Variants in ST18 observed in about 807,000 individuals in gnomAD.
ST18 encodes ST18 C2H2C-type zinc finger transcription factor, also known as suppression of tumorigenicity 18 protein.
A neutral mutation model predicts 110.0 loss-of-function variants in ST18; 50 were observed. That is an observed-to-expected ratio of 0.45 (90% CI 0.36 to 0.58). The LOEUF (loss-of-function observed/expected upper bound fraction) is 0.58, where lower values mean the gene tolerates loss of function less well. Among genes scored for constraint, ST18 ranks in the 20% least tolerant of loss-of-function variants. The pLI, the probability that ST18 is intolerant of heterozygous loss-of-function variation, is 0.00. For synonymous variants in ST18, 461 were observed against 452.4 expected (o/e 1.02, Z -0.24); for missense variants, 1,306 against 1,280.1 (o/e 1.02, Z -0.31).
chr8:52,214,986 C>A (rs896630977), intron 6 of ST18, among the ~76,000 whole-genome samples: 1 of 152,112 alleles, frequency 6.6e-6, no homozygotes, highest in Non-Finnish European at 1.5e-5. Flanking sequence ...CTTGATACAC[C>A]CATCCATTTC....
At chr8:52,352,788 T>C (rs1820986596) in intron 2 of ST18, among the ~76,000 whole-genome samples, 1 of 152,208 alleles carries the variant, frequency 6.6e-6, no homozygotes, top group African/African-American at 2.4e-5. Context: ...CGCAAAACAT[T>C]GCAGAGAACC....
chr8:52,199,078 C>T (rs1472921533), intron 8 of ST18: 1 of 151,248 alleles, frequency 6.6e-6, no homozygotes, highest in Non-Finnish European at 1.5e-5. Flanking sequence ...TTTGCCAGTG[C>T]TTACATCCTA....
chr8:52,202,462 C>G (rs532368510), intron 8 of ST18, among the ~76,000 whole-genome samples: 1 of 151,846 alleles, frequency 6.6e-6, no homozygotes, highest in Non-Finnish European at 1.5e-5. Flanking sequence ...GTCTCCCCAA[C>G]GAAATTGTAA....
intron 2 of ST18, among the ~76,000 whole-genome samples, chr8:52,388,946 C>T (rs1838122414): frequency 7.0e-6 from 1 of 143,598 alleles, no homozygotes; most frequent in South Asian, 2.2e-4. Flanking sequence ...GCACATGTAC[C>T]CTAAAACTTA....
chr8:52,177,840 A>G (rs1188041163), intron 9 of ST18, among the ~76,000 whole-genome samples: 1 of 152,208 alleles, frequency 6.6e-6, no homozygotes, highest in African/African-American at 2.4e-5. Flanking sequence ...TTCATCTGTA[A>G]AACTGTGCCC....
intron 2 of ST18, among the ~76,000 whole-genome samples, chr8:52,250,247 A>G (rs942989878): frequency 6.6e-6 from 1 of 151,746 alleles, no homozygotes; most frequent in Non-Finnish European, 1.5e-5. Flanking sequence ...CACTAATTTA[A>G]TCTGGGAAAA....
At chr8:52,180,046 C>A (rs2068718910) in intron 9 of ST18, 76 bp downstream of exon 9, 1 of 1,439,158 alleles carries the variant, frequency 6.9e-7, no homozygotes, top group South Asian at 1.3e-5. Flanking sequence ...CCATACAAAC[C>A]ACACACTCTA....
chr8:52,246,950 G>T (rs1260340635), intron 2 of ST18, among the ~76,000 whole-genome samples: 1 of 152,136 alleles, frequency 6.6e-6, no homozygotes, highest in Non-Finnish European at 1.5e-5. Context: ...TGAGTCAGTG[G>T]AAGAACCAGG....
intron 2 of ST18, among the ~76,000 whole-genome samples, chr8:52,278,245 C>A (rs980318251): frequency 6.6e-5 from 10 of 152,150 alleles, no homozygotes; most frequent in Admixed American, 5.2e-4. Context: ...TGGGAAAGAG[C>A]TTTCTTCACA....
At chr8:52,272,547 T>C (rs1474620737) in intron 2 of ST18, among the ~76,000 whole-genome samples, 3 of 142,820 alleles carry the variant, frequency 2.1e-5, no homozygotes, top group Non-Finnish European at 4.4e-5. Flanking sequence ...ATGGCGATTA[T>C]AGACAACAAC....
intron 2 of ST18, among the ~76,000 whole-genome samples, chr8:52,302,233 T>C (rs2095736552): frequency 6.6e-6 from 1 of 152,162 alleles, no homozygotes; most frequent in South Asian, 2.1e-4. Flanking sequence ...AAGCCACGTC[T>C]CCCAGTATCA....
intron 8 of ST18, chr8:52,206,376 A>T (rs1197785178): frequency 9.9e-5 from 15 of 152,252 alleles, no homozygotes. Flanking sequence ...TTACTTGTTA[A>T]ATTACAAAGT....
At chr8:52,205,465 T>C (rs1024315946) in intron 8 of ST18, among the ~76,000 whole-genome samples, 2 of 152,116 alleles carry the variant, frequency 1.3e-5, no homozygotes, top group Admixed American at 6.5e-5. Context: ...TTCCTAGATA[T>C]TTTAACATCT....
chr8:52,328,734 A>T (rs1807685019), intron 2 of ST18, among the ~76,000 whole-genome samples: 1 of 152,176 alleles, frequency 6.6e-6, no homozygotes, highest in South Asian at 2.1e-4. Flanking sequence ...TATCATAAAG[A>T]TGCAAGCTTT....
chr8:52,273,184 T>C (rs553666723), intron 2 of ST18, among the ~76,000 whole-genome samples: 1 of 152,324 alleles, frequency 6.6e-6, no homozygotes, highest in Admixed American at 6.5e-5. Flanking sequence ...TAAGCAGCAG[T>C]TGGACAGCTT....
In ST18 at chr8:52,235,498, AC is replaced by A. The variant is rs544895624; in HGVS notation, c.-464-5422del. ...AACCAGCTGACTAATTGTTATATTA[AC>A]GAAAAAGGGAACTATGATGATGCCC... On this transcript the variant is annotated intron_variant, in intron 2 of 25. Coordinates refer to ENST00000689386, the MANE Select transcript of ST18 (RefSeq NM_001352837.2). Among the ~76,000 whole-genome samples the A allele has an allele frequency of 7.9e-5, 12 of 152,342 alleles. No homozygotes were observed. In the East Asian group the frequency reaches 2.3e-3, roughly 29 times the overall value.
chr8:52,251,403 T>C (rs1337143618), intron 2 of ST18, among the ~76,000 whole-genome samples: 2 of 152,132 alleles, frequency 1.3e-5, no homozygotes. Context: ...AGCATAGGTA[T>C]ACACACTGCC....
At chr8:52,263,575 T>C (rs530966669) in intron 2 of ST18, among the ~76,000 whole-genome samples, 1 of 151,814 alleles carries the variant, frequency 6.6e-6, no homozygotes, top group African/African-American at 2.4e-5. Context: ...TTAATACTAC[T>C]AATTTCTCAT....
At chr8:52,127,166 A>G (rs1161148449) in intron 22 of ST18, among the ~76,000 whole-genome samples, 2 of 152,234 alleles carry the variant, frequency 1.3e-5, no homozygotes, top group Admixed American at 1.3e-4. Flanking sequence ...AAAAGCCCTT[A>G]ATAAATGTGT....
Sources: allele counts gnomAD v4.1 joint callset (sites outside exome capture counted in the v4.1 genomes callset), GRCh38; gene constraint gnomAD v4.1.1; transcripts MANE v1.5; gene names NCBI Gene and HGNC (gene_info 2026-07-23, HGNC 2026-07-21).